Variants in PTK2 observed in about 807,000 individuals in gnomAD.
PTK2 encodes the protein protein tyrosine kinase 2.
A neutral mutation model predicts 150.1 loss-of-function variants in PTK2; 45 were observed. The observed-to-expected ratio is 0.30, with a 90% confidence interval of 0.24 to 0.38. The LOEUF (loss-of-function observed/expected upper bound fraction) is 0.38, where lower values mean the gene tolerates loss of function less well. Among genes scored for constraint, PTK2 ranks in the 10% least tolerant of loss-of-function variants. The pLI is 1.00. For synonymous variants in PTK2, 432 were observed against 449.2 expected, an observed-to-expected ratio of 0.96 and a Z score of 0.48; for missense variants, 919 against 1,307.3, an observed-to-expected ratio of 0.70 and a Z score of 4.58.
At chr8:140,736,719 C>G (rs1202669320) in intron 21 of PTK2, among the ~76,000 whole-genome samples, 1 of 152,074 alleles carries the variant, frequency 6.6e-6, no homozygotes, top group Non-Finnish European at 1.5e-5. Flanking sequence ...TGGAACACGC[C>G]AAAAACATCC....
chr8:140,824,736 A>T (rs1359072712), intron 8 of PTK2, among the ~76,000 whole-genome samples: 2 of 152,008 alleles, frequency 1.3e-5, no homozygotes, highest in Middle Eastern at 6.8e-3. Flanking sequence ...GAATCTCTGG[A>T]TATTAATCAA....
chr8:140,869,873 CT>C (rs1285925740), intron 4 of PTK2, among the ~76,000 whole-genome samples: 1 of 149,678 alleles, frequency 6.7e-6, no homozygotes, highest in African/African-American at 2.5e-5. Flanking sequence ...GACAGAATTA[CT>C]AAAAAAAAAA....
chr8:140,925,466 C>T (rs1377136811), intron 2 of PTK2, 195 bp downstream of exon 2: 1 of 175,114 alleles, frequency 5.7e-6, no homozygotes, highest in Non-Finnish European at 1.1e-5. Context: ...TTGCTGTTTC[C>T]ACCACGAAAA....
At chr8:140,798,872 TAAA>T (rs1354624535) in intron 12 of PTK2, among the ~76,000 whole-genome samples, 3 of 151,974 alleles carry the variant, frequency 2.0e-5, no homozygotes, top group Non-Finnish European at 1.5e-5. Context: ...ACGTCAAAAA[TAAA>T]AATAAAAAAT....
intron 2 of PTK2, among the ~76,000 whole-genome samples, chr8:140,915,412 C>T (rs1479509235): frequency 6.6e-6 from 1 of 152,054 alleles, no homozygotes; most frequent in Non-Finnish European, 1.5e-5. Flanking sequence ...TACATAGGTA[C>T]ACACATACAT....
chr8:140,828,805 G>C (rs998123985), intron 8 of PTK2, among the ~76,000 whole-genome samples: 8 of 152,142 alleles, frequency 5.3e-5, no homozygotes, highest in African/African-American at 1.7e-4. Context: ...AGGTCAAACT[G>C]AATCTCCCAT....
chr8:140,896,788 C>CCGGGG (rs1491515271), intron 2 of PTK2, among the ~76,000 whole-genome samples: 1 of 67,302 alleles, frequency 1.5e-5, no homozygotes, highest in Non-Finnish European at 3.8e-5. Context: ...CCCAAAAAAA[C>CCGGGG]GGGGGGGGGG....
intron 1 of PTK2, among the ~76,000 whole-genome samples, chr8:140,955,520 T>C (rs1003010284): frequency 5.3e-5 from 8 of 152,080 alleles, no homozygotes; most frequent in African/African-American, 1.4e-4. Context: ...GAGAACAAAC[T>C]AATACAGACA....
chr8:140,706,958 G>A lies in PTK2; in HGVS notation c.2143-753C>T, dbSNP rs535973368. ...TAAAAAGGGGGAACAGTCCATGTCC[G>A]TCAACTGATATAACTGGATAAACAA... On this transcript the variant is annotated intron_variant, in intron 23 of 31. Coordinates refer to ENST00000522684, the Ensembl canonical transcript of PTK2. 4.6e-5 allele frequency among the ~76,000 whole-genome samples: 7 copies of A among 152,284 alleles called. No individual in the cohort carries two copies. The South Asian group carries it at 1.0e-3, about 23-fold the overall frequency.
At chr8:140,790,755 T>C (rs987287055) in intron 13 of PTK2, among the ~76,000 whole-genome samples, 3 of 152,252 alleles carry the variant, frequency 2.0e-5, no homozygotes, top group Admixed American at 2.0e-4. Context: ...ATATCTTTAG[T>C]ATAAAAATTT....
chr8:140,860,317 T>A (rs1221324828), intron 5 of PTK2, among the ~76,000 whole-genome samples: 1 of 152,190 alleles, frequency 6.6e-6, no homozygotes, highest in Non-Finnish European at 1.5e-5. Context: ...TTCATAAAAG[T>A]AGAATTATTA....
At chr8:140,895,389 G>A (rs1411913940) in intron 2 of PTK2, among the ~76,000 whole-genome samples, 1 of 152,112 alleles carries the variant, frequency 6.6e-6, no homozygotes, top group Admixed American at 6.5e-5. Context: ...GGGCATGGTG[G>A]TGTGTGCCTG....
intron 21 of PTK2, among the ~76,000 whole-genome samples, chr8:140,735,922 C>T (rs1230677126): frequency 6.6e-6 from 1 of 152,170 alleles, no homozygotes; most frequent in Non-Finnish European, 1.5e-5. Context: ...ACAAGGTTGG[C>T]CTCTTCTTGT....
At chr8:140,778,650 G>A (rs933646652) in intron 14 of PTK2, among the ~76,000 whole-genome samples, 2 of 152,236 alleles carry the variant, frequency 1.3e-5, no homozygotes, top group Non-Finnish European at 2.9e-5. Flanking sequence ...ACATGGGACA[G>A]AACGAGCTGG....
At chr8:140,899,183 G>A (rs1342395108) in intron 2 of PTK2, among the ~76,000 whole-genome samples, 1 of 152,084 alleles carries the variant, frequency 6.6e-6, no homozygotes, top group African/African-American at 2.4e-5. Context: ...CTGTTAATAA[G>A]TGGAATCTGT....
intron 3 of PTK2, among the ~76,000 whole-genome samples, chr8:140,882,944 TATG>T (rs2100150017): frequency 6.6e-6 from 1 of 152,200 alleles, no homozygotes; most frequent in South Asian, 2.1e-4. Context: ...AAATTAATCT[TATG>T]ATGATCAATT....
At chr8:140,693,933 C>T (rs1385675551) in intron 26 of PTK2, among the ~76,000 whole-genome samples, 1 of 152,188 alleles carries the variant, frequency 6.6e-6, no homozygotes, top group Admixed American at 6.5e-5. Context: ...CACAGCTGAC[C>T]TTACTGAAGT....
intron 18 of PTK2, among the ~76,000 whole-genome samples, chr8:140,745,074 C>A (rs951039115): frequency 1.0e-5 from 1 of 97,662 alleles, no homozygotes; most frequent in African/African-American, 6.3e-5. Flanking sequence ...CAAATTATTG[C>A]TAAATAATAA....
At chr8:140,835,401 A>C (rs542330676) in intron 7 of PTK2, among the ~76,000 whole-genome samples, 34 of 152,322 alleles carry the variant, frequency 2.2e-4, no homozygotes, top group Middle Eastern at 3.4e-3. Context: ...AACTAACTTC[A>C]AATATAACTT....
Sources: allele counts gnomAD v4.1 joint callset (sites outside exome capture counted in the v4.1 genomes callset), GRCh38; gene constraint gnomAD v4.1.1; transcripts MANE v1.5; gene names NCBI Gene and HGNC (gene_info 2026-07-23, HGNC 2026-07-21).